RBFOX1: variants seen among roughly 807,000 people sequenced by gnomAD.
RBFOX1 encodes the protein RNA binding protein fox-1 homolog 1.
RBFOX1 carries 8 observed loss-of-function variants against 57.7 expected under a neutral mutation model. The ratio of observed to expected loss-of-function variants is 0.14; its 90% CI spans 0.08 to 0.25. The LOEUF (loss-of-function observed/expected upper bound fraction) is 0.25, where lower values mean the gene tolerates loss of function less well. Ranked by LOEUF, RBFOX1 falls within the 10% of genes least tolerant of loss-of-function variation. The pLI is 1.00. For synonymous variants in RBFOX1, 326 were observed against 222.4 expected (o/e 1.47, Z -4.15); for missense variants, 611 against 548.5 (o/e 1.11, Z -1.14).
intron 2 of RBFOX1, among the ~76,000 whole-genome samples, chr16:5,562,843 A>G (rs1323641955): frequency 5.3e-5 from 8 of 152,160 alleles, no homozygotes; most frequent in Non-Finnish European, 8.8e-5. Flanking sequence ...TAGGCAAACT[A>G]TCTGCTAACC....
chr16:5,283,780 T>C (rs1159958550), intron 1 of RBFOX1, among the ~76,000 whole-genome samples: 1 of 152,214 alleles, frequency 6.6e-6, no homozygotes, highest in Non-Finnish European at 1.5e-5. Flanking sequence ...TACATGCTCA[T>C]AGGCGGAAGG....
At chr16:5,781,751 C>G (rs1473480666) in intron 3 of RBFOX1, among the ~76,000 whole-genome samples, 1 of 152,180 alleles carries the variant, frequency 6.6e-6, no homozygotes, top group Admixed American at 6.5e-5. Flanking sequence ...ATTTGTGCCA[C>G]CCATTGAAAT....
At chr16:6,446,797 CAA>C (rs1320091283) in intron 2 of RBFOX1, among the ~76,000 whole-genome samples, 1 of 151,774 alleles carries the variant, frequency 6.6e-6, no homozygotes, top group Non-Finnish European at 1.5e-5. Flanking sequence ...GAAAGAAAAC[CAA>C]AGAGAGAGGT....
chr16:6,823,510 G>A (rs936050166), intron 3 of RBFOX1, among the ~76,000 whole-genome samples: 1 of 151,614 alleles, frequency 6.6e-6, no homozygotes, highest in Non-Finnish European at 1.5e-5. Context: ...GTATGCCTCA[G>A]TCTCCCAAAG....
In RBFOX1 at chr16:7,217,812, C is replaced by T. The variant is rs192685327; in HGVS notation, c.27+165714C>T. 3.3e-5 allele frequency among the ~76,000 whole-genome samples: 5 copies of T among 152,288 alleles called. No individual in the cohort carries two copies. The East Asian group carries it at 7.7e-4, about 24-fold the overall frequency. ...GGTTTTGAGATCCTAGGGAGTTCATCTGAAAGACTTACAGCATTGTCACTA... is the reference window on the plus strand; with the variant it reads ...GGTTTTGAGATCCTAGGGAGTTCATTTGAAAGACTTACAGCATTGTCACTA... On this transcript the variant is annotated intron_variant, in intron 4 of 15. Transcript: ENST00000550418.
At chr16:6,645,688 G>A (rs1386696642) in intron 2 of RBFOX1, among the ~76,000 whole-genome samples, 1 of 152,134 alleles carries the variant, frequency 6.6e-6, no homozygotes, top group East Asian at 1.9e-4. Flanking sequence ...ATGTTTTTAA[G>A]TTCTCAATGC....
At chr16:5,530,368 A>C (rs984251897) in intron 2 of RBFOX1, among the ~76,000 whole-genome samples, 24 of 152,180 alleles carry the variant, frequency 1.6e-4, no homozygotes, top group African/African-American at 5.8e-4. Context: ...TTAAGGATAC[A>C]GAATCAGGGT....
rs189359618 is a variant in RBFOX1 at position 5,286,194 on chromosome 16, G to A, written c.219+46089G>A. 1.9e-3 allele frequency among the ~76,000 whole-genome samples: 288 copies of A among 152,316 alleles called. 3 individuals carry two copies. The highest frequency in any genetic ancestry group is 0.016 in the Admixed American group (244 of 15,304). On this transcript the variant is annotated intron_variant, in intron 1 of 2. Coordinates refer to the RBFOX1 transcript ENST00000585867. ...GGTGTGTCAATACTAGGGACCATGG[G>A]CAGTGTATGTGGGCACTGATGATAG...
chr16:6,520,861 C>G (rs1448135003), intron 2 of RBFOX1, among the ~76,000 whole-genome samples: 1 of 151,760 alleles, frequency 6.6e-6, no homozygotes, highest in Non-Finnish European at 1.5e-5. Context: ...GTGCTATTGT[C>G]AATAGAAAGT....
intron 14 of RBFOX1, among the ~76,000 whole-genome samples, chr16:7,695,850 A>T (rs1050363237): frequency 6.6e-6 from 1 of 152,078 alleles, no homozygotes; most frequent in Admixed American, 6.6e-5. Context: ...CATGCTTAAA[A>T]TCTCAGTGTG....
intron 4 of RBFOX1, among the ~76,000 whole-genome samples, chr16:7,257,099 G>A (rs1253892278): frequency 1.3e-5 from 2 of 152,072 alleles, no homozygotes; most frequent in Non-Finnish European, 2.9e-5. Context: ...GCATGCCATC[G>A]TCCTTCAGTG....
intron 3 of RBFOX1, among the ~76,000 whole-genome samples, chr16:6,859,120 T>TATATATAC (rs2058446647): frequency 2.3e-5 from 2 of 86,438 alleles, no homozygotes; most frequent in African/African-American, 1.6e-4. Flanking sequence ...TGTATATATA[T>TATATATAC]ATATATATAC....
chr16:7,108,980 G>C (rs563917745), intron 4 of RBFOX1, among the ~76,000 whole-genome samples: 5 of 152,258 alleles, frequency 3.3e-5, no homozygotes, highest in African/African-American at 1.2e-4. Context: ...AACGTTATGT[G>C]TGGTAGGTTT....
intron 3 of RBFOX1, among the ~76,000 whole-genome samples, chr16:5,851,405 T>C (rs2056894207): frequency 6.6e-6 from 1 of 152,148 alleles, no homozygotes; most frequent in Non-Finnish European, 1.5e-5. Flanking sequence ...ACCGCCTCTC[T>C]CTGCATCCCT....
chr16:5,571,467 G>C (rs1189088681), intron 2 of RBFOX1, among the ~76,000 whole-genome samples: 2 of 151,914 alleles, frequency 1.3e-5, no homozygotes, highest in South Asian at 4.2e-4. Flanking sequence ...TGCCCGCCTG[G>C]ACCTCCCAAA....
At chr16:6,156,308 A>G (rs925673664) in intron 1 of RBFOX1, among the ~76,000 whole-genome samples, 1 of 152,168 alleles carries the variant, frequency 6.6e-6, no homozygotes, top group Non-Finnish European at 1.5e-5. Flanking sequence ...TGATTTTGTT[A>G]AAGGATTGGG....
chr16:6,551,787 A>T (rs923205104), intron 2 of RBFOX1, among the ~76,000 whole-genome samples: 7 of 152,188 alleles, frequency 4.6e-5, no homozygotes, highest in Admixed American at 1.3e-4. Flanking sequence ...TCCAACCGGG[A>T]CGTCAGAGCT....
chr16:6,793,904 C>G (rs1420519498), intron 3 of RBFOX1, among the ~76,000 whole-genome samples: 3 of 152,070 alleles, frequency 2.0e-5, no homozygotes, highest in Non-Finnish European at 2.9e-5. Flanking sequence ...ATCTATCTCC[C>G]TCTTGAGCAG....
intron 1 of RBFOX1, among the ~76,000 whole-genome samples, chr16:6,257,160 G>C (rs532687354): frequency 6.6e-4 from 100 of 152,160 alleles, no homozygotes; most frequent in African/African-American, 2.3e-3. Flanking sequence ...ATGCAGGTTT[G>C]TTCCACAGGT....
Sources: gnomAD v4.1 joint callset for allele counts (sites outside exome capture counted in the v4.1 genomes callset) on GRCh38, gnomAD v4.1.1 for gene constraint, MANE v1.5 for transcripts, NCBI Gene and HGNC (gene_info 2026-07-23, HGNC 2026-07-21) for gene names.